CUBN: variants seen among roughly 807,000 people sequenced by gnomAD.
The protein encoded by CUBN is cubilin.
Under a neutral mutation model 405.3 loss-of-function variants are expected in CUBN, and 282 were observed. That is an observed-to-expected ratio of 0.70 (90% CI 0.63 to 0.77). The LOEUF (loss-of-function observed/expected upper bound fraction) is 0.77. Ranked by LOEUF, CUBN falls within the 30% of genes least tolerant of loss-of-function variation. The pLI is 0.00. For synonymous variants in CUBN, 1,684 were observed against 1,617.0 expected (o/e 1.04, Z -0.99); for missense variants, 4,514 against 4,475.2 (o/e 1.01, Z -0.25).
intron 29 of CUBN, among the ~76,000 whole-genome samples, chr10:16,986,193 CA>C (rs1459101544): frequency 8.5e-5 from 13 of 152,218 alleles, no homozygotes; most frequent in African/African-American, 3.1e-4. Context: ...TGCAGCCATC[CA>C]TGTACAGGCA....
At chr10:17,027,935 C>T (rs973026567) in intron 27 of CUBN, among the ~76,000 whole-genome samples, 11 of 152,054 alleles carry the variant, frequency 7.2e-5, no homozygotes, top group East Asian at 1.9e-4. Flanking sequence ...ACACATTGCA[C>T]GCCTGTATCA....
At position 17,068,779 on chromosome 10, in the gene CUBN, A is replaced by G. The variant is rs1467551507; in HGVS notation, c.2626-9T>C. 3.7e-6 allele frequency: 6 copies of G among 1,601,848 alleles called. No homozygotes were observed. Among genetic ancestry groups the G allele is most frequent in the Non-Finnish European group, 5.1e-6 (6 of 1,169,566 alleles). The stretch of plus-strand genomic sequence containing the variant: ...ATGGAACTGCTACCAATCTAAAATT[A>G]GAGAAGATATGTTCAAATATGTTGT... On this transcript the variant is annotated splice_polypyrimidine_tract_variant and intron_variant, in intron 19 of 66. Coordinates refer to ENST00000377833, the MANE Select transcript of CUBN (RefSeq NM_001081.4).
chr10:17,065,738 G>A, intron 21 of CUBN, 100 bp from the exon 22 acceptor site: 1 of 1,369,422 alleles, frequency 7.3e-7, no homozygotes, highest in Non-Finnish European at 1.0e-6. Flanking sequence ...AATAGGTTTT[G>A]TTCTCTACCT....
At chr10:17,026,776 G>A (rs1382230623) in intron 27 of CUBN, among the ~76,000 whole-genome samples, 1 of 152,234 alleles carries the variant, frequency 6.6e-6, no homozygotes, top group Non-Finnish European at 1.5e-5. Flanking sequence ...CTGATAAGCA[G>A]AGCATGGTTG....
chr10:16,851,333 T>C lies in CUBN; in HGVS notation c.9565A>G (p.Ile3189Val), dbSNP rs111265129. The change falls in exon 60 of 67, where the codon ATA becomes GTA. Residue 3189 changes from isoleucine (I) to valine (V), a missense_variant. By Grantham distance (29) the Ile-to-Val change is conservative. Around this residue, in one of 5 missense-constraint regions of CUBN, gnomAD observed 1,186 missense variants for 1,186.9 expected, o/e 1.00. Coordinates refer to ENST00000377833, the MANE Select transcript of CUBN (RefSeq NM_001081.4). ...ATTACTTTGTTTACAGGTGCAATTA[T>C]GATCCATACACAGTTTAAATTCTTG... ...YDKNLNCVWI[I>V]IAPVNKVIHL... is the part of the protein sequence containing the mutation. 2.3e-3 allele frequency: 3,732 copies of C among 1,614,118 alleles called. 75 individuals are homozygous for C. The African/African-American group carries it at 0.043, about 18-fold the overall frequency.
In CUBN at chr10:17,071,826, C is replaced by T; in HGVS notation, c.2446+1G>A. On this transcript the variant is annotated splice_donor_variant, in intron 18 of 66. Coordinates refer to ENST00000377833, the MANE Select transcript of CUBN (RefSeq NM_001081.4). LOFTEE classifies it high-confidence loss of function. Reference sequence around the variant, plus strand: ...CATTTAAAAATTATATGTTTCCTTACCGACTTGATAAACAGCTCTGAAACT... The same window carrying T: ...CATTTAAAAATTATATGTTTCCTTATCGACTTGATAAACAGCTCTGAAACT... 6.2e-7 allele frequency: 1 copy of T among 1,611,656 alleles called. No homozygotes were observed. Among genetic ancestry groups the T allele is most frequent in the East Asian group, 2.2e-5 (1 of 44,822 alleles).
At chr10:16,833,632 CAGAAAAGAAAGAAGAAGAA>C (rs1564375606) in intron 64 of CUBN, among the ~76,000 whole-genome samples, 1 of 151,772 alleles carries the variant, frequency 6.6e-6, no homozygotes, top group African/African-American at 2.4e-5. Context: ...GGTTGCAGGG[CAGAAAAGAAAGAAGAAGAA>C]AGAAAAGAAA....
chr10:17,082,263 T>C (rs1387076796), intron 17 of CUBN, among the ~76,000 whole-genome samples: 3 of 152,186 alleles, frequency 2.0e-5, no homozygotes, highest in Non-Finnish European at 2.9e-5. Context: ...AGATAAAGAA[T>C]TGTCCAAGGT....
chr10:17,109,664 C>A lies in CUBN; in HGVS notation c.1087G>T (p.Asp363Tyr). The A allele has an allele frequency of 1.2e-6, 2 of 1,613,934 alleles. No homozygotes were observed. Among genetic ancestry groups the A allele is most frequent in the South Asian group, 2.2e-5 (2 of 91,068 alleles). The change falls in exon 10 of 67, where the codon GAT becomes TAT. Residue 363 changes from aspartate (D) to tyrosine (Y), a missense_variant. Physicochemically the swap from Asp to Tyr is radical, Grantham distance 160. Transcript: ENST00000377833. ...CCTAGAGTTGAGGAGCATGAGGCAT[C>A]TGGGTGGCAGCCTCCATTACTGACT... is the stretch of plus-strand genomic sequence containing the variant. Reference protein sequence around the residue: ...CSVSNGGCHPDASCSSTLGSL... With the variant: ...CSVSNGGCHPYASCSSTLGSL...
chr10:17,101,533 C>T (rs1362046414), intron 13 of CUBN, among the ~76,000 whole-genome samples: 2 of 152,130 alleles, frequency 1.3e-5, no homozygotes, highest in African/African-American at 4.8e-5. Context: ...TTGTACAATG[C>T]CCTCTGTAAT....
At chr10:16,912,944 G>A (rs1841774168) in intron 48 of CUBN, among the ~76,000 whole-genome samples, 1 of 152,184 alleles carries the variant, frequency 6.6e-6, no homozygotes, top group Non-Finnish European at 1.5e-5. Flanking sequence ...GAGGAGAACG[G>A]AACCAGGGGG....
At chr10:16,895,354 C>T (rs1175632355) in intron 54 of CUBN, among the ~76,000 whole-genome samples, 1 of 137,994 alleles carries the variant, frequency 7.2e-6, no homozygotes, top group Non-Finnish European at 1.5e-5. Context: ...CACACACACA[C>T]ACACATATAT....
intron 35 of CUBN, 29 bp downstream of exon 35, chr10:16,948,449 C>G: frequency 6.2e-7 from 1 of 1,613,148 alleles, no homozygotes; most frequent in Non-Finnish European, 8.5e-7. Flanking sequence ...CCCTTTTAAC[C>G]GCTAGAGTCA....
rs138667605 is a variant in CUBN at position 16,881,739 on chromosome 10, A to C, written c.8906-4642T>G. Among the ~76,000 whole-genome samples, 265 of 152,348 alleles carry C rather than the reference A, an allele frequency of 1.7e-3. 2 individuals are homozygous for C. The highest frequency in any genetic ancestry group is 6.2e-3 in the African/African-American group (258 of 41,584). On this transcript the variant is annotated intron_variant, in intron 56 of 66. Coordinates refer to ENST00000377833, the MANE Select transcript of CUBN (RefSeq NM_001081.4). ...AAATTCTCTCCAAAAGAAATCAAAC[A>C]TGTACATAATATTAGAAGCTGGTAA...
intron 27 of CUBN, 149 bp downstream of exon 27, chr10:17,040,884 T>C (rs1379659191): frequency 8.7e-6 from 6 of 692,320 alleles, no homozygotes; most frequent in South Asian, 1.7e-5. Context: ...ATATGAAATA[T>C]ACCTGTTCAA....
chr10:17,120,451 T>C (rs998288744), intron 6 of CUBN, among the ~76,000 whole-genome samples: 1 of 152,220 alleles, frequency 6.6e-6, no homozygotes, highest in Non-Finnish European at 1.5e-5. Context: ...AGCAAATCTA[T>C]GAAGGGCAGA....
chr10:17,112,749 G>A (rs1351316893), intron 8 of CUBN, among the ~76,000 whole-genome samples: 1 of 151,954 alleles, frequency 6.6e-6, no homozygotes, highest in Non-Finnish European at 1.5e-5. Flanking sequence ...GGGGCAATAG[G>A]TGTGTGGGGT....
chr10:17,051,126 T>G (rs570091582), intron 22 of CUBN, among the ~76,000 whole-genome samples: 1 of 150,514 alleles, frequency 6.6e-6, no homozygotes, highest in Non-Finnish European at 1.5e-5. Context: ...CTTTAGGAGG[T>G]CAAGGCAGGT....
intron 48 of CUBN, among the ~76,000 whole-genome samples, chr10:16,913,193 G>A (rs1445147883): frequency 6.6e-6 from 1 of 152,084 alleles, no homozygotes; most frequent in Non-Finnish European, 1.5e-5. Flanking sequence ...GGGCAAGTTG[G>A]GTGGATAAAT....
Sources: gnomAD v4.1 joint callset for allele counts (sites outside exome capture counted in the v4.1 genomes callset) on GRCh38, gnomAD v4.1.1 for gene constraint, gnomAD v4.1.1 regional missense constraint, MANE v1.5 for transcripts, NCBI Gene and HGNC (gene_info 2026-07-23, HGNC 2026-07-21) for gene names.